Variants in SPART observed in about 807,000 individuals in gnomAD.
SPART encodes spastic paraplegia 20 (Troyer syndrome).
SPART carries 35 observed loss-of-function variants against 58.7 expected under a neutral mutation model. The ratio of observed to expected loss-of-function variants is 0.60; its 90% CI spans 0.46 to 0.79. SPART has a LOEUF of 0.79. SPART is among the 30% of genes least tolerant of loss of function. SPART has a pLI of 0.00. For missense variants in SPART, 730 were observed against 786.1 expected, an observed-to-expected ratio of 0.93 and a Z score of 0.85; for synonymous variants, 284 against 280.7, an observed-to-expected ratio of 1.01 and a Z score of -0.12.
chr13:36,346,000 C>T (rs1470745859), intron 1 of SPART, among the ~76,000 whole-genome samples: 1 of 152,204 alleles, frequency 6.6e-6, no homozygotes, highest in African/African-American at 2.4e-5. Context: ...AAATACCACA[C>T]TCCCGCGAGA....
At chr13:36,321,128 C>T (rs1339869622) in intron 5 of SPART, among the ~76,000 whole-genome samples, 2 of 152,234 alleles carry the variant, frequency 1.3e-5, no homozygotes, top group Non-Finnish European at 2.9e-5. Context: ...GCCCCAGTCT[C>T]ATTCGAGACA....
Position 36,345,721 on chromosome 13 carries a change from A to G in SPART, c.-3+504T>C, listed in dbSNP as rs571185763. 6.6e-5 allele frequency: 10 copies of G among 152,340 alleles called. No homozygotes were observed. The South Asian group carries it at 2.1e-3, about 32-fold the overall frequency. The allele number at this position is 152,340 out of a possible 1,614,324, so 9.4% of individuals were successfully genotyped here. A position where few individuals can be genotyped will look rare whatever the true frequency, so the allele number is the denominator to read the frequency against. ...TAGGAAGCATGAAAGAATGTATTGTAAAGAGTAAAATCACGCGCAATCCAT... is the reference window on the plus strand; with the variant it reads ...TAGGAAGCATGAAAGAATGTATTGTGAAGAGTAAAATCACGCGCAATCCAT... On this transcript the variant is annotated intron_variant, in intron 1 of 8. Transcript: ENST00000438666.
At chr13:36,324,910 T>TTGAGCCAGGA (rs1448048839) in intron 5 of SPART, among the ~76,000 whole-genome samples, 1 of 152,138 alleles carries the variant, frequency 6.6e-6, no homozygotes, top group African/African-American at 2.4e-5. Flanking sequence ...GGGGAGCTTT[T>TTGAGCCAGGA]TGAGCCAGGA....
Position 36,346,380 on chromosome 13 carries a change from C to G in SPART, c.-158G>C, listed in dbSNP as rs1394890905. On this transcript the variant is annotated 5_prime_UTR_variant, in exon 1 of 9. Transcript: ENST00000438666. ...CCCAAGGCCTCGCGCGCGCGCTTGC[C>G]GTGGCAACCAAGACGTTCCACGACG... 2 of 152,174 alleles carry G rather than the reference C, an allele frequency of 1.3e-5. No individual in the cohort carries two copies. Among genetic ancestry groups the G allele is most frequent in the African/African-American group, 4.8e-5 (2 of 41,430 alleles). The allele number at this position is 152,174 out of a possible 1,614,324, so 9.4% of individuals were successfully genotyped here.
intron 4 of SPART, 68 bp from the exon 5 acceptor site, chr13:36,326,766 A>G (rs909210111): frequency 6.3e-5 from 98 of 1,548,094 alleles, no homozygotes; most frequent in Non-Finnish European, 8.0e-5. Context: ...TAAGCATTAT[A>G]TAACAAATAT....
At chr13:36,325,699 C>T (rs576944189) in intron 5 of SPART, among the ~76,000 whole-genome samples, 3 of 152,258 alleles carry the variant, frequency 2.0e-5, no homozygotes, top group Non-Finnish European at 2.9e-5. Context: ...ATCATTCTGG[C>T]TTCAGAATAA....
intron 4 of SPART, 36 bp downstream of exon 4, chr13:36,329,326 G>A (rs750913212): frequency 4.7e-5 from 76 of 1,610,190 alleles, no homozygotes; most frequent in Non-Finnish European, 6.4e-5. Context: ...GGTACCATTA[G>A]AAGACAACAC....
chr13:36,339,643 A>C (rs1201116944), intron 1 of SPART, among the ~76,000 whole-genome samples: 1 of 150,214 alleles, frequency 6.7e-6, no homozygotes, highest in East Asian at 1.9e-4. Flanking sequence ...AAAAAAAAAA[A>C]AAAAAAAAAC....
chr13:36,326,242 GGGGTAGGGGGA>G, intron 5 of SPART: 1 of 342,746 alleles, frequency 2.9e-6, no homozygotes, highest in Non-Finnish European at 5.6e-6. Context: ...CTGAGGGACA[GGGGTAGGGGGA>G]GGTTAAGAGG....
intron 1 of SPART, among the ~76,000 whole-genome samples, chr13:36,358,564 C>G (rs1431919217): frequency 6.6e-6 from 1 of 152,038 alleles, no homozygotes; most frequent in Non-Finnish European, 1.5e-5. Context: ...CTTGAGAATC[C>G]CTGTTTCTTT....
intron 6 of SPART, 34 bp downstream of exon 6, chr13:36,314,193 C>T: frequency 1.2e-5 from 19 of 1,587,738 alleles, no homozygotes; most frequent in Non-Finnish European, 1.6e-5. Flanking sequence ...TTAAATATAA[C>T]TTTAAAAAGT....
chr13:36,350,555 G>A (rs748896600), upstream of SPART, among the ~76,000 whole-genome samples: 8 of 152,196 alleles, frequency 5.3e-5, no homozygotes, highest in South Asian at 1.7e-3. Flanking sequence ...TTTCCACCTG[G>A]CCATCTCAGG....
At chr13:36,333,188 C>G (rs544474732) in intron 2 of SPART, among the ~76,000 whole-genome samples, 18 of 151,914 alleles carry the variant, frequency 1.2e-4, no homozygotes, top group Non-Finnish European at 2.4e-4. Context: ...GCTGATTTTT[C>G]CCAGTTTCAT....
chr13:36,309,438 A>T (rs1423660246), intron 8 of SPART, among the ~76,000 whole-genome samples: 1 of 152,154 alleles, frequency 6.6e-6, no homozygotes, highest in Non-Finnish European at 1.5e-5. Flanking sequence ...GCACTCACTC[A>T]CATGTTCACT....
At chr13:36,324,499 G>A (rs1469362840) in intron 5 of SPART, among the ~76,000 whole-genome samples, 1 of 152,146 alleles carries the variant, frequency 6.6e-6, no homozygotes, top group African/African-American at 2.4e-5. Flanking sequence ...GCTAGCCTTT[G>A]AGTCTTCCCA....
At chr13:36,360,993 A>C (rs1217145768) in intron 1 of SPART, among the ~76,000 whole-genome samples, 1 of 152,214 alleles carries the variant, frequency 6.6e-6, no homozygotes, top group Non-Finnish European at 1.5e-5. Flanking sequence ...GGGAGCTGTC[A>C]TATTTCTCCA....
intron 1 of SPART, chr13:36,345,502 A>ATATTGTATTGT (rs1203805184): frequency 6.6e-6 from 1 of 152,238 alleles, no homozygotes; most frequent in East Asian, 1.9e-4. Context: ...AAATTCGTTA[A>ATATTGTATTGT]ATTATGATAC....
chr13:36,355,013 T>A (rs189806643), intron 1 of SPART, among the ~76,000 whole-genome samples: 108 of 152,330 alleles, frequency 7.1e-4, no homozygotes, highest in African/African-American at 2.5e-3. Context: ...GTAAGTCTGC[T>A]CTTTAGGATT....
Position 36,314,414 on chromosome 13 carries a change from G to C in SPART, c.1296C>G (p.Ser432=). Residue 432 remains serine, a synonymous_variant, in exon 6 of 9, where the codon TCC becomes TCG. Transcript: ENST00000438666. Reference sequence around the variant, plus strand: ...CTTTGACTAAACCCCAACTCACCCAGGAAGCACCTTTTTAAAAGAAAATTT... The same window carrying C: ...CTTTGACTAAACCCCAACTCACCCACGAAGCACCTTTTTAAAAGAAAATTT... The part of the protein sequence containing the change: ...KVAHNILSGA[S]WVSWGLVKGA... 6.2e-7 allele frequency: 1 copy of C among 1,613,910 alleles called. No homozygotes were observed. Among genetic ancestry groups the C allele is most frequent in the African/African-American group, 1.3e-5 (1 of 74,962 alleles).
Sources: gnomAD v4.1 joint callset for allele counts (sites outside exome capture counted in the v4.1 genomes callset) on GRCh38, gnomAD v4.1.1 for gene constraint, MANE v1.5 for transcripts, NCBI Gene and HGNC (gene_info 2026-07-23, HGNC 2026-07-21) for gene names.